Variants in TGIF1 observed in about 807,000 individuals in gnomAD.
The protein encoded by TGIF1 is TGFB induced factor homeobox 1.
A neutral mutation model predicts 19.3 loss-of-function variants in TGIF1; 4 were observed. The ratio of observed to expected loss-of-function variants is 0.21; its 90% CI spans 0.10 to 0.47. The LOEUF is 0.47. Among genes scored for constraint, TGIF1 ranks in the 20% least tolerant of loss-of-function variants. The pLI is 0.98. For missense variants in TGIF1, 275 were observed against 341.4 expected (o/e 0.81, Z 1.53); for synonymous variants, 122 against 129.3 (o/e 0.94, Z 0.38).
At position 3,455,884 on chromosome 18, in the gene TGIF1, G is replaced by A. The variant is rs2049335578; in HGVS notation, c.17-470G>A. On this transcript the variant is annotated intron_variant, in intron 1 of 2. Transcript: ENST00000343820. ...TGCTCCCTTTCATTTCAAACCTTCA[G>A]TAGAGGAAGGAGGAAGAGTAGCATT... The A allele has an allele frequency of 1.6e-5, 3 of 191,878 alleles. No homozygotes were observed. The South Asian group carries it at 3.0e-4, about 19-fold the overall frequency. The allele number at this position is 191,878 out of a possible 1,614,324, so 11.9% of individuals were successfully genotyped here.
chr18:3,432,123 CA>C (rs751364681), intron 2 of TGIF1, among the ~76,000 whole-genome samples: 6,973 of 97,890 alleles, frequency 0.071, 229 homozygotes, highest in African/African-American at 0.13. Context: ...ACAAAACTGT[CA>C]AAAAAAAAAA....
intron 1 of TGIF1, among the ~76,000 whole-genome samples, chr18:3,416,987 C>A (rs2082341021): frequency 6.6e-6 from 1 of 151,972 alleles, no homozygotes; most frequent in South Asian, 2.1e-4. Context: ...AAATTTGATA[C>A]TCTTTTTAAA....
chr18:3,451,668 C>T lies in TGIF1; in HGVS notation c.16+1163C>T. On this transcript the variant is annotated intron_variant, in intron 1 of 2. Transcript: ENST00000343820. This position sits in a 1 kb window ranked among gnomAD's most constrained non-coding sequence, Gnocchi z 5.4. ...AAGGCCAGCGGGGTTCCTTCGGCTGCGTTTCTGTGGGAGGCCCTGAAACGC... is the reference window on the plus strand; with the variant it reads ...AAGGCCAGCGGGGTTCCTTCGGCTGTGTTTCTGTGGGAGGCCCTGAAACGC... 8.6e-7 allele frequency: 1 copy of T among 1,163,478 alleles called. No homozygotes were observed. Among genetic ancestry groups the T allele is most frequent in the Non-Finnish European group, 1.1e-6 (1 of 944,842 alleles). The allele number at this position is 1,163,478 out of a possible 1,614,324, so 72.1% of individuals were successfully genotyped here. A position where few individuals can be genotyped will look rare whatever the true frequency, so the allele number is the denominator to read the frequency against.
In TGIF1 at chr18:3,451,629, T is replaced by TGG. The variant is rs941585470; in HGVS notation, c.16+1129_16+1130dup. 9.1e-7 allele frequency: 1 copy of TGG among 1,102,796 alleles called. No individual in the cohort carries two copies. Among genetic ancestry groups the TGG allele is most frequent in the Non-Finnish European group, 1.1e-6 (1 of 906,268 alleles). 68.3% of individuals were successfully genotyped at this position (1,102,796 alleles called of 1,614,324 possible). A position where few individuals can be genotyped will look rare whatever the true frequency, so the allele number is the denominator to read the frequency against. ...GACCCGGCCCGCTGCGGGGCGTTCC[T>TGG]GGGGGGTAGCCTCAAGGCCAGCGGG... is the stretch of plus-strand genomic sequence containing the variant. On this transcript the variant is annotated intron_variant, in intron 1 of 2. Coordinates refer to ENST00000343820, the MANE Select transcript of TGIF1 (RefSeq NM_003244.4). The surrounding 1 kb of genome is among the most constrained non-coding windows in gnomAD (Gnocchi z 5.4).
At chr18:3,430,625 C>T (rs1049788709) in intron 2 of TGIF1, among the ~76,000 whole-genome samples, 4 of 151,938 alleles carry the variant, frequency 2.6e-5, no homozygotes, top group African/African-American at 9.7e-5. Flanking sequence ...CCACCTCAGC[C>T]TCCTGAGTAG....
intron 2 of TGIF1, among the ~76,000 whole-genome samples, chr18:3,437,315 A>T (rs988138017): frequency 6.6e-6 from 1 of 152,140 alleles, no homozygotes; most frequent in African/African-American, 2.4e-5. Context: ...GAATGAGTGT[A>T]AACGTTCCAT....
chr18:3,432,123 CAAAAAAA>C (rs751364681), intron 2 of TGIF1, among the ~76,000 whole-genome samples: 2 of 97,994 alleles, frequency 2.0e-5, no homozygotes, highest in South Asian at 3.2e-4. Context: ...ACAAAACTGT[CAAAAAAA>C]AAAAAAAAAA....
chr18:3,449,805 G>A, upstream of TGIF1: 3 of 985,156 alleles, frequency 3.0e-6, no homozygotes, highest in Non-Finnish European at 3.6e-6. Context: ...GGTGGAGGAG[G>A]GAAGGAGGGA....
intron 2 of TGIF1, among the ~76,000 whole-genome samples, chr18:3,422,020 C>A (rs530550762): frequency 5.3e-5 from 8 of 151,640 alleles, no homozygotes; most frequent in Non-Finnish European, 1.2e-4. Context: ...ATGGTGAAAC[C>A]CCGTCTCTAC....
chr18:3,423,487 G>A (rs948027067), intron 2 of TGIF1, among the ~76,000 whole-genome samples: 34 of 152,118 alleles, frequency 2.2e-4, no homozygotes, highest in Non-Finnish European at 4.7e-4. Context: ...AGACCTTCCT[G>A]GCTAACACGG....
intron 2 of TGIF1, among the ~76,000 whole-genome samples, chr18:3,433,956 A>C (rs1214536011): frequency 6.6e-6 from 1 of 152,234 alleles, no homozygotes; most frequent in Non-Finnish European, 1.5e-5. Flanking sequence ...TTTATACTTT[A>C]ACTACAATAT....
intron 2 of TGIF1, among the ~76,000 whole-genome samples, chr18:3,430,783 A>T (rs959705263): frequency 3.3e-5 from 5 of 151,252 alleles, no homozygotes; most frequent in Non-Finnish European, 7.4e-5. Context: ...AAATGCTGGG[A>T]TTATAGGCAC....
At chr18:3,414,377 TGCACCTTATTATA>T (rs1320221288) in intron 1 of TGIF1, among the ~76,000 whole-genome samples, 1 of 152,236 alleles carries the variant, frequency 6.6e-6, no homozygotes, top group Non-Finnish European at 1.5e-5. Context: ...CAAGAGCTAC[TGCACCTTATTATA>T]GCATGTTCCA....
rs1568058945 is a variant in TGIF1, at chr18:3,459,882, TAAATG to T, written c.*1943_*1947del. The stretch of plus-strand genomic sequence containing the variant: ...AAACAGGTACATTTAAGTGAAAAGA[TAAATG>T]TAAAAAGCTGTTCATATCAAAGCCA... On this transcript the variant is annotated 3_prime_UTR_variant, in exon 3 of 3. Transcript: ENST00000343820. The T allele has an allele frequency of 6.6e-6, 1 of 152,232 alleles. No homozygotes were observed. The highest frequency in any genetic ancestry group is 6.5e-5 in the Admixed American group (1 of 15,282). The allele number at this position is 152,232 out of a possible 1,614,324, so 9.4% of individuals were successfully genotyped here.
At position 3,457,325 on chromosome 18, in the gene TGIF1, T is replaced by C. The variant is rs760334664; in HGVS notation, c.244-40T>C. 1.0e-5 allele frequency: 16 copies of C among 1,607,122 alleles called. No individual in the cohort carries two copies. The East Asian group carries it at 1.6e-4, about 16-fold the overall frequency. On this transcript the variant is annotated intron_variant, in intron 2 of 2. Coordinates refer to ENST00000343820, the MANE Select transcript of TGIF1 (RefSeq NM_003244.4). The surrounding 1 kb of genome is among the most constrained non-coding windows in gnomAD (Gnocchi z 4.9). ...ACATTCTCAGAACCCGTTGGCTGAGTGAATGAGGAAAATGTTAAAGCGTAC... is the reference window on the plus strand; with the variant it reads ...ACATTCTCAGAACCCGTTGGCTGAGCGAATGAGGAAAATGTTAAAGCGTAC...
intron 2 of TGIF1, among the ~76,000 whole-genome samples, chr18:3,430,421 G>C (rs960625103): frequency 6.6e-6 from 1 of 152,036 alleles, no homozygotes; most frequent in African/African-American, 2.4e-5. Flanking sequence ...TTATATTAAC[G>C]TGTCATGAAT....
upstream of TGIF1, chr18:3,448,144 C>G (rs1185352144): frequency 1.0e-6 from 1 of 984,866 alleles, no homozygotes; most frequent in African/African-American, 1.8e-5. Flanking sequence ...GCCGAGGCAG[C>G]CGAAGCCGCT....
chr18:3,448,521 T>C (rs940711741), upstream of TGIF1: 4 of 988,076 alleles, frequency 4.0e-6, no homozygotes, highest in Non-Finnish European at 4.8e-6. Flanking sequence ...AGGACCGCGC[T>C]CCCCCCGAGC....
In TGIF1 at chr18:3,441,141, G is replaced by C. The variant is rs1045581173; in HGVS notation, c.-44-15213G>C. Among the ~76,000 whole-genome samples, 8 of 152,226 alleles carry C rather than the reference G, an allele frequency of 5.3e-5. No homozygotes were observed. The East Asian group carries it at 1.3e-3, about 26-fold the overall frequency. Reference sequence around the variant, plus strand: ...GGCTGTCCAACTTTTTAAACACAGAGTTTTTCTTTTCTACGGTTTGTATAA... The same window carrying C: ...GGCTGTCCAACTTTTTAAACACAGACTTTTTCTTTTCTACGGTTTGTATAA... On this transcript the variant is annotated intron_variant, in intron 2 of 3. Transcript: ENST00000401449.
Sources: gnomAD v4.1 joint callset for allele counts (sites outside exome capture counted in the v4.1 genomes callset) on GRCh38, gnomAD v4.1.1 for gene constraint, Gnocchi (gnomAD v3.1) non-coding constraint, MANE v1.5 for transcripts, NCBI Gene and HGNC (gene_info 2026-07-23, HGNC 2026-07-21) for gene names.